HIP1: variants seen among roughly 807,000 people sequenced by gnomAD.
The protein encoded by HIP1 is huntingtin-interacting protein 1.
In HIP1, 65 loss-of-function variants were observed where a neutral mutation model predicts 147.6. The observed-to-expected ratio is 0.44, with a 90% CI of 0.36 to 0.54. The LOEUF is 0.54. Among genes scored for constraint, HIP1 ranks in the 20% least tolerant of loss-of-function variants. The probability of loss-of-function intolerance (pLI) is 0.00; values close to 1 mark genes in which losing one functional copy is unlikely to be tolerated. For missense variants in HIP1, 1,061 were observed against 1,299.6 expected (o/e 0.82, Z 2.82); for synonymous variants, 479 against 504.0 (o/e 0.95, Z 0.67).
chr7:75,583,756 T>TTGTGTGTGTGTGTG lies in HIP1; in HGVS notation c.466-1619_466-1606dup, dbSNP rs60640180. Among the ~76,000 whole-genome samples, 650 of 115,510 alleles carry TTGTGTGTGTGTGTG rather than the reference T, an allele frequency of 5.6e-3. 9 individuals are homozygous for TTGTGTGTGTGTGTG. Among genetic ancestry groups the TTGTGTGTGTGTGTG allele is most frequent in the South Asian group, 0.01 (32 of 3,120 alleles). The allele number at this position is 115,510 out of a possible 152,430, so 75.8% of individuals were successfully genotyped here. A position where few individuals can be genotyped will look rare whatever the true frequency, so the allele number is the denominator to read the frequency against. On this transcript the variant is annotated intron_variant, in intron 5 of 30. Transcript: ENST00000336926. ...GGCATACACCACCATGCGGGCTAAT[T>TTGTGTGTGTGTGTG]TGTGTGTGTGTGTGTGTGTGTGTGT...
At chr7:75,569,383 C>T (rs1283469082) in intron 8 of HIP1, among the ~76,000 whole-genome samples, 4 of 151,952 alleles carry the variant, frequency 2.6e-5, no homozygotes, top group Non-Finnish European at 4.4e-5. Context: ...TGGGGAGCAT[C>T]GCTTGTACCC....
intron 1 of HIP1, among the ~76,000 whole-genome samples, chr7:75,727,096 T>A (rs1563315946): frequency 6.6e-6 from 1 of 152,126 alleles, no homozygotes; most frequent in African/African-American, 2.4e-5. Flanking sequence ...CTTATTTTTT[T>A]TTAAATTAAG....
intron 1 of HIP1, among the ~76,000 whole-genome samples, chr7:75,720,908 C>T (rs1801479540): frequency 6.6e-6 from 1 of 151,914 alleles, no homozygotes; most frequent in African/African-American, 2.4e-5. Flanking sequence ...TGTGGTGGAA[C>T]ATGCCTGTAA....
intron 14 of HIP1, among the ~76,000 whole-genome samples, chr7:75,559,243 T>G (rs1271326622): frequency 6.6e-6 from 1 of 151,910 alleles, no homozygotes; most frequent in Non-Finnish European, 1.5e-5. Flanking sequence ...GCCTCAAGAG[T>G]AGCTGGGACT....
intron 1 of HIP1, among the ~76,000 whole-genome samples, 158 bp downstream of exon 1, chr7:75,738,643 C>A (rs1473212058): frequency 6.6e-6 from 1 of 152,150 alleles, no homozygotes; most frequent in African/African-American, 2.4e-5. Context: ...CCCGACCTTC[C>A]TGGGATCGCC....
intron 7 of HIP1, among the ~76,000 whole-genome samples, chr7:75,574,176 C>T (rs1554497217): frequency 6.6e-6 from 1 of 152,084 alleles, no homozygotes. Flanking sequence ...GCCTGTAATC[C>T]CAGCTACTCA....
intron 1 of HIP1, among the ~76,000 whole-genome samples, chr7:75,721,045 A>G (rs1364964743): frequency 4.6e-5 from 7 of 151,106 alleles, no homozygotes; most frequent in Admixed American, 4.6e-4. Flanking sequence ...TCTCAAAAAA[A>G]AAAAAAAAAG....
At chr7:75,548,366 G>A (rs1436970727) in intron 23 of HIP1, among the ~76,000 whole-genome samples, 3 of 152,012 alleles carry the variant, frequency 2.0e-5, no homozygotes, top group Admixed American at 6.6e-5. Context: ...TCTGATTCTT[G>A]AGGAAACTAA....
intron 1 of HIP1, among the ~76,000 whole-genome samples, chr7:75,668,968 A>C (rs1327401634): frequency 1.3e-5 from 2 of 152,186 alleles, no homozygotes; most frequent in Non-Finnish European, 2.9e-5. Flanking sequence ...CTGTAATCCC[A>C]GCACTTTGGG....
At chr7:75,571,280 A>G (rs957611592) in intron 8 of HIP1, among the ~76,000 whole-genome samples, 1 of 152,198 alleles carries the variant, frequency 6.6e-6, no homozygotes, top group African/African-American at 2.4e-5. Flanking sequence ...GCAACAGAAT[A>G]CTTGGAAACA....
At chr7:75,708,507 A>C (rs1801069424) in intron 1 of HIP1, among the ~76,000 whole-genome samples, 1 of 152,136 alleles carries the variant, frequency 6.6e-6, no homozygotes, top group South Asian at 2.1e-4. Context: ...GTCATGGATC[A>C]ATTTTGAGTT....
Position 75,733,078 on chromosome 7 carries a change from C to T in HIP1, c.120+5723G>A, listed in dbSNP as rs1271515609. On this transcript the variant is annotated intron_variant, in intron 1 of 30. Coordinates refer to ENST00000336926, the MANE Select transcript of HIP1 (RefSeq NM_005338.7). ...AACCATGGAGAAAACCATTTTCCAG[C>T]TAAGTAAAAACAGACTATTTTATTT... is the stretch of plus-strand genomic sequence containing the variant. Among the ~76,000 whole-genome samples the T allele has an allele frequency of 2.0e-5, 3 of 152,200 alleles. No homozygotes were observed. The East Asian group carries it at 5.8e-4, about 29-fold the overall frequency.
chr7:75,619,070 A>G (rs1361654509), intron 1 of HIP1, among the ~76,000 whole-genome samples: 1 of 152,130 alleles, frequency 6.6e-6, no homozygotes, highest in Non-Finnish European at 1.5e-5. Context: ...ATATCATCTG[A>G]GAATCCTGTA....
In HIP1 at chr7:75,694,321, G is replaced by A. The variant is rs144955561; in HGVS notation, c.120+44480C>T. ...TAAAATTTCACAGTGCTACACCTTG[G>A]TGTATCCTCTGTCATTTATTATGCT... On this transcript the variant is annotated intron_variant, in intron 1 of 30. Transcript: ENST00000336926. 1.5e-4 allele frequency among the ~76,000 whole-genome samples: 23 copies of A among 152,066 alleles called. No homozygotes were observed. In the East Asian group the frequency reaches 4.3e-3, roughly 28 times the overall value.
At chr7:75,654,165 C>A (rs145270565) in intron 1 of HIP1, among the ~76,000 whole-genome samples, 9 of 152,054 alleles carry the variant, frequency 5.9e-5, no homozygotes, top group Non-Finnish European at 1.0e-4. Context: ...GAGGCCAAGG[C>A]GGGCGGATCA....
In HIP1 at chr7:75,536,757, G is replaced by C. The variant is rs1293030631; in HGVS notation, c.*1415C>G. ...TGGGATCCAAGTCAGTAACAGTCCAGCACCTTGGCCTTTCTTCTGATTCTT... is the reference window on the plus strand; with the variant it reads ...TGGGATCCAAGTCAGTAACAGTCCACCACCTTGGCCTTTCTTCTGATTCTT... On this transcript the variant is annotated 3_prime_UTR_variant, in exon 31 of 31. Coordinates refer to ENST00000336926, the MANE Select transcript of HIP1 (RefSeq NM_005338.7). 1 of 228,972 alleles carries C rather than the reference G, an allele frequency of 4.4e-6. No homozygotes were observed. Among genetic ancestry groups the C allele is most frequent in the African/African-American group, 2.2e-5 (1 of 45,064 alleles). The allele number at this position is 228,972 out of a possible 1,614,324, so 14.2% of individuals were successfully genotyped here.
intron 1 of HIP1, among the ~76,000 whole-genome samples, chr7:75,650,930 T>C (rs1798955753): frequency 6.6e-6 from 1 of 152,018 alleles, no homozygotes; most frequent in Non-Finnish European, 1.5e-5. Flanking sequence ...TTACTGGCCT[T>C]GGGGGCAGAG....
chr7:75,694,066 C>T (rs1005849945), intron 1 of HIP1, among the ~76,000 whole-genome samples: 1 of 151,976 alleles, frequency 6.6e-6, no homozygotes, highest in South Asian at 2.1e-4. Flanking sequence ...ATTACAGGCA[C>T]GTGCCACCAC....
At position 75,732,141 on chromosome 7, in the gene HIP1, C is replaced by T. The variant is rs2117408624; in HGVS notation, c.120+6660G>A. Among the ~76,000 whole-genome samples the T allele has an allele frequency of 2.6e-5, 4 of 152,230 alleles. 1 individual carries two copies. The Middle Eastern group carries it at 0.014, about 518-fold the overall frequency. On this transcript the variant is annotated intron_variant, in intron 1 of 30. Coordinates refer to ENST00000336926, the MANE Select transcript of HIP1 (RefSeq NM_005338.7). ...AAGTCCTGGCTTCTCGGTTCACTCG[C>T]TGTGTGACCTTGGACAAGTCACTTA...
Sources: gnomAD v4.1 joint callset for allele counts (sites outside exome capture counted in the v4.1 genomes callset) on GRCh38, gnomAD v4.1.1 for gene constraint, MANE v1.5 for transcripts, NCBI Gene and HGNC (gene_info 2026-07-23, HGNC 2026-07-21) for gene names.